The following CPAP variants were observed in gnomAD, a reference collection of about 807,000 sequenced individuals.
The protein encoded by CPAP is centrosomal P4.1-associated protein.
the CPAP span, chr13:24,912,535 G>A: frequency 6.8e-7 from 1 of 1,479,956 alleles, no homozygotes; most frequent in Non-Finnish European, 9.4e-7. Context: ...TACATAAACA[G>A]AAACCTGCAA....
the CPAP span, chr13:24,899,511 TCTC>T: frequency 7.1e-5 from 114 of 1,613,742 alleles, 1 homozygote; most frequent in South Asian, 1.2e-3. Context: ...AGCTTCCTCA[TCTC>T]CTCCTTTTTA....
the CPAP span, chr13:24,884,365 G>T: frequency 6.2e-7 from 1 of 1,614,124 alleles, no homozygotes; most frequent in Non-Finnish European, 8.5e-7. Flanking sequence ...CACCATTAAA[G>T]AAAGTGACAG....
chr13:24,903,476 T>C, the CPAP span, among the ~76,000 whole-genome samples: 6 of 152,222 alleles, frequency 3.9e-5, no homozygotes, highest in African/African-American at 1.4e-4. Context: ...ATCCAAGAAA[T>C]ACCAACGTGT....
the CPAP span, chr13:24,912,578 G>A: frequency 6.2e-7 from 1 of 1,610,434 alleles, no homozygotes. Flanking sequence ...AAATCCTATT[G>A]TACCTGTTCA....
chr13:24,908,846 T>C, the CPAP span, among the ~76,000 whole-genome samples: 1 of 152,246 alleles, frequency 6.6e-6, no homozygotes. Flanking sequence ...CATTAATTTC[T>C]TTAGATACAA....
At chr13:24,930,592 G>A in the CPAP span, among the ~76,000 whole-genome samples, 5 of 152,026 alleles carry the variant, frequency 3.3e-5, no homozygotes, top group African/African-American at 9.7e-5. Flanking sequence ...TTATTAATTC[G>A]CTTAGAACAA....
At chr13:24,910,605 G>A in the CPAP span, among the ~76,000 whole-genome samples, 1 of 152,260 alleles carries the variant, frequency 6.6e-6, no homozygotes, top group South Asian at 2.1e-4. Flanking sequence ...AAATATTTAA[G>A]AATCCTAAGG....
the CPAP span, chr13:24,913,130 G>A: frequency 3.2e-6 from 3 of 938,476 alleles, no homozygotes; most frequent in Non-Finnish European, 4.9e-6. Flanking sequence ...ATTAGGTAAA[G>A]CCATTAGATG....
chr13:24,932,216 G>A, the CPAP span, among the ~76,000 whole-genome samples: 1 of 152,228 alleles, frequency 6.6e-6, no homozygotes, highest in Non-Finnish European at 1.5e-5. Context: ...ATCTCCAAAG[G>A]GCAGCTTTCT....
chr13:24,894,076 GCA>G, the CPAP span, among the ~76,000 whole-genome samples: 1 of 152,148 alleles, frequency 6.6e-6, no homozygotes, highest in Non-Finnish European at 1.5e-5. Flanking sequence ...AGGGTGCCTG[GCA>G]CAGTGCCAGC....
the CPAP span, chr13:24,885,267 T>C: frequency 9.8e-6 from 15 of 1,538,068 alleles, no homozygotes; most frequent in South Asian, 1.6e-4. Flanking sequence ...TTCAAAAACA[T>C]TTTTTAACCT....
the CPAP span, among the ~76,000 whole-genome samples, chr13:24,919,688 G>A: frequency 6.6e-6 from 1 of 152,176 alleles, no homozygotes; most frequent in Non-Finnish European, 1.5e-5. Context: ...CCAAAGTGCT[G>A]GGATTACAGG....
chr13:24,909,089 A>AT, the CPAP span, among the ~76,000 whole-genome samples: 1 of 152,254 alleles, frequency 6.6e-6, no homozygotes, highest in Non-Finnish European at 1.5e-5. Context: ...GGTGGTGGGT[A>AT]TATCAGTAAT....
chr13:24,885,064 C>T, the CPAP span, among the ~76,000 whole-genome samples: 1 of 152,170 alleles, frequency 6.6e-6, no homozygotes, highest in Non-Finnish European at 1.5e-5. Context: ...TGAACAGAAG[C>T]TTTTAAGAAG....
the CPAP span, among the ~76,000 whole-genome samples, chr13:24,884,630 T>C: frequency 7.4e-4 from 112 of 152,312 alleles, 1 homozygote; most frequent in African/African-American, 2.6e-3. Context: ...TTTCTAATTT[T>C]CTCATTCCTT....
chr13:24,919,978 C>T, the CPAP span, among the ~76,000 whole-genome samples: 1 of 151,942 alleles, frequency 6.6e-6, no homozygotes, highest in Non-Finnish European at 1.5e-5. Context: ...CCCTATGTTG[C>T]CCAGGCTGAT....
chr13:24,923,116 C>T, the CPAP span, among the ~76,000 whole-genome samples: 226 of 152,338 alleles, frequency 1.5e-3, 1 homozygote, highest in African/African-American at 5.2e-3. Flanking sequence ...CAGGCTCCCA[C>T]ACTTAGAAAA....
At chr13:24,899,582 T>C in the CPAP span, 2 of 1,613,192 alleles carry the variant, frequency 1.2e-6, no homozygotes, top group Non-Finnish European at 1.7e-6. Context: ...TGCAATTTCT[T>C]TCCTAAAATG....
chr13:24,886,189 G>C, the CPAP span: 1 of 623,756 alleles, frequency 1.6e-6, no homozygotes, highest in South Asian at 1.5e-5. Context: ...TGAAGTGCCA[G>C]TATTTTCATC....
Sources: allele counts gnomAD v4.1 joint callset (sites outside exome capture counted in the v4.1 genomes callset), GRCh38; gene constraint gnomAD v4.1.1; transcripts MANE v1.5; gene names NCBI Gene and HGNC (gene_info 2026-07-23, HGNC 2026-07-21).